ZDHHC9: variants seen among roughly 807,000 people sequenced by gnomAD.
The protein encoded by ZDHHC9 is zDHHC palmitoyltransferase 9.
ZDHHC9 carries 3 observed loss-of-function variants against 26.6 expected under a neutral mutation model. That is an observed-to-expected ratio of 0.11 (90% confidence interval 0.05 to 0.29). The LOEUF is 0.29. Among genes scored for constraint, ZDHHC9 ranks in the 10% least tolerant of loss-of-function variants. The probability of loss-of-function intolerance (pLI) is 1.00; values close to 1 mark genes in which losing one functional copy is unlikely to be tolerated. For missense variants in ZDHHC9, 146 were observed against 296.4 expected (o/e 0.49, Z 3.73); for synonymous variants, 111 against 109.4 (o/e 1.01, Z -0.09).
intron 4 of ZDHHC9, among the ~76,000 whole-genome samples, chrX:129,828,530 G>A (rs980211115): frequency 9.0e-6 from 1 of 110,663 alleles, no homozygotes; most frequent in Non-Finnish European, 1.9e-5. Flanking sequence ...GCTGAGGCAG[G>A]AGAATCACTT....
At chrX:129,842,688 T>G (rs1356340966) in intron 2 of ZDHHC9, among the ~76,000 whole-genome samples, 2 of 113,069 alleles carry the variant, frequency 1.8e-5, no homozygotes, top group Non-Finnish European at 3.7e-5. Flanking sequence ...TCTGTGCACA[T>G]ACGTGCATTG....
chrX:129,829,024 A>G lies in ZDHHC9; in HGVS notation c.285T>C (p.Pro95=). 1 of 1,212,115 alleles carries G rather than the reference A, an allele frequency of 8.3e-7. No individual in the cohort carries two copies. The highest frequency in any genetic ancestry group is 1.7e-5 in the African/African-American group (1 of 57,881). Residue 95 remains proline, a synonymous_variant, in exon 4 of 11, where the codon CCT becomes CCC. Transcript: ENST00000357166. ...RTSFSDPGVI[P]RALPDEAAFI... Reference sequence around the variant, plus strand: ...AAGCTGCTTCATCTGGTAGCGCCCGAGGAATCACTCCAGGGTCACTGAAGC... The same window carrying G: ...AAGCTGCTTCATCTGGTAGCGCCCGGGGAATCACTCCAGGGTCACTGAAGC...
At position 129,828,697 on chromosome X, in the gene ZDHHC9, CA is replaced by C. The variant is rs1211209107; in HGVS notation, c.328+283del. 1.2e-4 allele frequency among the ~76,000 whole-genome samples: 13 copies of C among 111,064 alleles called. No individual in the cohort carries two copies. The Admixed American group carries it at 1.2e-3, about 11-fold the overall frequency. Reference sequence around the variant, plus strand: ...AAAATGTGTTGGTGACCACCTCCCCCAAAAAAGTAAAAAACCATCCTCCTGG... The same window carrying C: ...AAAATGTGTTGGTGACCACCTCCCCCAAAAAGTAAAAAACCATCCTCCTGG... On this transcript the variant is annotated intron_variant, in intron 4 of 10. Coordinates refer to ENST00000357166, the MANE Select transcript of ZDHHC9 (RefSeq NM_016032.4).
intron 3 of ZDHHC9, among the ~76,000 whole-genome samples, chrX:129,829,992 C>A (rs1367013656): frequency 8.9e-6 from 1 of 111,879 alleles, no homozygotes; most frequent in Admixed American, 9.5e-5. Flanking sequence ...CCAATTCTCA[C>A]ACTAAATCTA....
chrX:129,813,549 T>A (rs763138956), intron 7 of ZDHHC9, 128 bp downstream of exon 7: 105 of 688,445 alleles, frequency 1.5e-4, no homozygotes, highest in Middle Eastern at 1.1e-3. Context: ...TATATTTTTT[T>A]AAATTATTTT....
In ZDHHC9 at chrX:129,806,357, T is replaced by G. The variant is rs371501561; in HGVS notation, c.*13A>C. The stretch of plus-strand genomic sequence containing the variant: ...CTAATTAAACACAAACAAAAGTCTC[T>G]TCCATAGATAGGCTACTTCTCAGCT... On this transcript the variant is annotated 3_prime_UTR_variant, in exon 11 of 11. Coordinates refer to ENST00000357166, the MANE Select transcript of ZDHHC9 (RefSeq NM_016032.4). 100 of 1,192,386 alleles carry G rather than the reference T, an allele frequency of 8.4e-5. No individual in the cohort carries two copies. The highest frequency in any genetic ancestry group is 1.1e-4 in the Non-Finnish European group (94 of 879,077).
intron 5 of ZDHHC9, among the ~76,000 whole-genome samples, chrX:129,818,190 C>A (rs915627239): frequency 1.6e-4 from 18 of 111,995 alleles, no homozygotes; most frequent in African/African-American, 5.8e-4. Flanking sequence ...CACGTGAGGA[C>A]ACAGCAAGAA....
intron 2 of ZDHHC9, among the ~76,000 whole-genome samples, chrX:129,842,883 C>T (rs1928413535): frequency 8.9e-6 from 1 of 112,395 alleles, no homozygotes; most frequent in Admixed American, 9.4e-5. Flanking sequence ...CTGCTGATGG[C>T]TGGTTGGGGG....
chrX:129,831,448 G>C (rs1021291194), intron 3 of ZDHHC9, among the ~76,000 whole-genome samples: 2 of 111,856 alleles, frequency 1.8e-5, no homozygotes, highest in Non-Finnish European at 3.8e-5. Context: ...AGAGTGAGTA[G>C]AGCAACAGCA....
chrX:129,814,514 G>A (rs1927715073), intron 6 of ZDHHC9, 144 bp downstream of exon 6: 2 of 844,387 alleles, frequency 2.4e-6, no homozygotes, highest in Admixed American at 2.4e-5. Context: ...CTGCTCAAGA[G>A]CAGATAACTG....
intron 3 of ZDHHC9, among the ~76,000 whole-genome samples, chrX:129,839,514 T>C (rs1928333673): frequency 9.0e-6 from 1 of 111,424 alleles, no homozygotes; most frequent in African/African-American, 3.3e-5. Context: ...CGCTAAGTCC[T>C]AATACTAACA....
intron 2 of ZDHHC9, among the ~76,000 whole-genome samples, 157 bp downstream of exon 2, chrX:129,843,102 C>G (rs1928419595): frequency 8.9e-6 from 1 of 112,168 alleles, no homozygotes; most frequent in Non-Finnish European, 1.9e-5. Context: ...GCCTGCAGCC[C>G]GACGGACGGA....
At position 129,805,990 on chromosome X, in the gene ZDHHC9, G is replaced by A; in HGVS notation, c.*380C>T. ...CTGGACTCAGCACGTGCAGCAGCTT[G>A]GGAGGATTTGAGCCAGTCTCAAAAA... On this transcript the variant is annotated 3_prime_UTR_variant, in exon 11 of 11. Coordinates refer to ENST00000357166, the MANE Select transcript of ZDHHC9 (RefSeq NM_016032.4). 1 of 223,509 alleles carries A rather than the reference G, an allele frequency of 4.5e-6. No individual in the cohort carries two copies. Among genetic ancestry groups the A allele is most frequent in the Non-Finnish European group, 8.3e-6 (1 of 120,926 alleles). The allele number at this position is 223,509 out of a possible 1,213,427, so 18.4% of individuals were successfully genotyped here.
rs978224275 is a variant in ZDHHC9, at chrX:129,805,255, T to A, written c.*1115A>T. On this transcript the variant is annotated 3_prime_UTR_variant, in exon 11 of 11. Coordinates refer to ENST00000357166, the MANE Select transcript of ZDHHC9 (RefSeq NM_016032.4). ...CCAGAGGTGGGCCGAGGCCTTAGGGTGAGTTACCCGAGAGGGCAGCAGTGC... is the reference window on the plus strand; with the variant it reads ...CCAGAGGTGGGCCGAGGCCTTAGGGAGAGTTACCCGAGAGGGCAGCAGTGC... 6 of 110,132 alleles carry A rather than the reference T, an allele frequency of 5.4e-5. No homozygotes were observed. Among genetic ancestry groups the A allele is most frequent in the Non-Finnish European group, 1.1e-4 (6 of 52,687 alleles). 9.1% of individuals were successfully genotyped at this position (110,132 alleles called of 1,213,427 possible).
chrX:129,841,185 C>T (rs1928373193), intron 3 of ZDHHC9, among the ~76,000 whole-genome samples: 1 of 111,757 alleles, frequency 8.9e-6, no homozygotes. Context: ...AAGGCTGGTA[C>T]CAGACATACA....
intron 6 of ZDHHC9, among the ~76,000 whole-genome samples, chrX:129,814,303 TAGCACA>T (rs1332560887): frequency 9.0e-6 from 1 of 111,592 alleles, no homozygotes; most frequent in Admixed American, 9.5e-5. Context: ...TTCTACCCCT[TAGCACA>T]AGGCAAGTTT....
At chrX:129,807,647 C>T (rs1451791066) in intron 10 of ZDHHC9, among the ~76,000 whole-genome samples, 2 of 110,274 alleles carry the variant, frequency 1.8e-5, no homozygotes, top group African/African-American at 6.6e-5. Flanking sequence ...TGGCAAAACC[C>T]GGTCTCTACT....
chrX:129,817,037 G>A (rs1190534334), intron 5 of ZDHHC9, among the ~76,000 whole-genome samples: 1 of 110,241 alleles, frequency 9.1e-6, no homozygotes, highest in Non-Finnish European at 1.9e-5. Flanking sequence ...ACCACGCCCA[G>A]CTAATTTTTG....
chrX:129,841,557 C>T (rs1222746509), intron 3 of ZDHHC9, among the ~76,000 whole-genome samples: 1 of 111,792 alleles, frequency 8.9e-6, no homozygotes, highest in Non-Finnish European at 1.9e-5. Context: ...AGGACAGCCC[C>T]AAATCAGTAC....
Sources: allele counts gnomAD v4.1 joint callset (sites outside exome capture counted in the v4.1 genomes callset), GRCh38; gene constraint gnomAD v4.1.1; transcripts MANE v1.5; gene names NCBI Gene and HGNC (gene_info 2026-07-23, HGNC 2026-07-21).